The following SANBR variants were observed in gnomAD, a reference collection of about 807,000 sequenced individuals.
SANBR encodes SANT and BTB domain regulator of class switch recombination.
SANBR carries 77 observed loss-of-function variants against 101.8 expected under a neutral mutation model. The observed-to-expected ratio is 0.76, with a 90% CI of 0.63 to 0.91. The LOEUF (loss-of-function observed/expected upper bound fraction) is 0.91. Among genes scored for constraint, SANBR ranks in the 40% least tolerant of loss-of-function variants. The pLI is 0.00. For synonymous variants in SANBR, 279 were observed against 274.7 expected (o/e 1.02, Z -0.15); for missense variants, 875 against 853.0 (o/e 1.03, Z -0.32).
At chr2:61,069,800 C>T (rs1336834749) in intron 2 of SANBR, 1 of 152,398 alleles carries the variant, frequency 6.6e-6, no homozygotes, top group Non-Finnish European at 1.5e-5. Context: ...CCTCTCCCCA[C>T]ACCTCACAAA....
intron 2 of SANBR, 37 bp from the exon 3 acceptor site, chr2:61,070,305 G>A (rs191975016): frequency 2.9e-5 from 43 of 1,462,290 alleles, no homozygotes; most frequent in Middle Eastern, 3.6e-4. Context: ...TTTGGATTTC[G>A]GGTTTAAATA....
At chr2:61,120,333 C>A (rs974012658) in intron 20 of SANBR, among the ~76,000 whole-genome samples, 1 of 152,150 alleles carries the variant, frequency 6.6e-6, no homozygotes, top group African/African-American at 2.4e-5. Flanking sequence ...AACCCCGTCT[C>A]CACTAAAAAT....
At chr2:61,127,437 T>A (rs886924178), downstream of SANBR, among the ~76,000 whole-genome samples, 1 of 152,172 alleles carries the variant, frequency 6.6e-6, no homozygotes, top group Admixed American at 6.5e-5. Flanking sequence ...TCTGCTGAAA[T>A]CTGGGTAGCT....
chr2:61,109,203 C>T lies in SANBR; in HGVS notation c.1651C>T (p.Gln551Ter). Residue 551 changes from glutamine to a stop codon, truncating the protein, a stop_gained, in exon 16 of 22, where the codon CAG becomes TAG. Transcript: ENST00000402291. LOFTEE classifies it high-confidence loss of function. ...AGATTTTTTTTTAACTTAGAAACAA[C>T]AGTCACTGTTTTCAGAAGAAGAAGA... ...LKNWTLQLKQ[Q>*]SLFSEEEEYT... is the part of the protein sequence containing the mutation. 1 of 1,466,958 alleles carries T rather than the reference C, an allele frequency of 6.8e-7. No individual in the cohort carries two copies. The highest frequency in any genetic ancestry group is 9.2e-7 in the Non-Finnish European group (1 of 1,091,626). The allele number at this position is 1,466,958 out of a possible 1,614,324, so 90.9% of individuals were successfully genotyped here.
At chr2:61,124,562 C>T (rs1287779336), downstream of SANBR, among the ~76,000 whole-genome samples, 1 of 151,990 alleles carries the variant, frequency 6.6e-6, no homozygotes, top group African/African-American at 2.4e-5. Context: ...AAAAATTAAC[C>T]TGGCATGGTG....
Position 61,076,996 on chromosome 2 carries a change from A to G in SANBR, c.508A>G (p.Ile170Val), listed in dbSNP as rs149746398. 4.4e-5 allele frequency: 71 copies of G among 1,614,090 alleles called. No individual in the cohort carries two copies. Among genetic ancestry groups the G allele is most frequent in the Non-Finnish European group, 5.5e-5 (65 of 1,180,040 alleles). The change falls in exon 6 of 22, where the codon ATA (isoleucine) becomes GTA (valine). Residue 170 changes from isoleucine (I) to valine (V), a missense_variant. By Grantham distance (29) the Ile-to-Val change is conservative. Transcript: ENST00000402291. ...TTTTACTTGCCCGCGAGATCTTTTG[A>G]TATCAGAAATGAAGTACTTTGCTGA... ...EDFTCPRDLLISEMKYFAEYL... is the reference protein window; with the variant it reads ...EDFTCPRDLLVSEMKYFAEYL...
chr2:61,121,420 TAGAAAC>T lies in SANBR; in HGVS notation c.2120+148_2120+153del, dbSNP rs1280162034. On this transcript the variant is annotated intron_variant, in intron 21 of 21. Transcript: ENST00000402291. ...ATGATTATATTATCAAGGCACTAAT[TAGAAAC>T]AGATTTTAACTTAAAAGATAAAATC... 7.9e-6 allele frequency: 4 copies of T among 506,534 alleles called. No individual in the cohort carries two copies. The East Asian group carries it at 1.1e-4, about 13-fold the overall frequency. The allele number at this position is 506,534 out of a possible 1,614,324, so 31.4% of individuals were successfully genotyped here.
intron 20 of SANBR, among the ~76,000 whole-genome samples, chr2:61,132,484 A>G (rs1423060855): frequency 3.3e-5 from 5 of 152,216 alleles, no homozygotes; most frequent in Non-Finnish European, 5.9e-5. Flanking sequence ...TTTAACGCTC[A>G]GTAGAATGGC....
chr2:61,127,179 G>A (rs1162350460), downstream of SANBR, among the ~76,000 whole-genome samples: 1 of 152,150 alleles, frequency 6.6e-6, no homozygotes, highest in Non-Finnish European at 1.5e-5. Context: ...TGTGTCCCCA[G>A]TGCCTAGAAC....
intron 10 of SANBR, 64 bp downstream of exon 10, chr2:61,088,532 G>A: frequency 9.4e-7 from 1 of 1,065,912 alleles, no homozygotes; most frequent in East Asian, 2.9e-5. Flanking sequence ...TGTTGTTGTT[G>A]TTTTGGAGAC....
At chr2:61,096,950 T>C (rs1469307846) in intron 11 of SANBR, among the ~76,000 whole-genome samples, 2 of 152,060 alleles carry the variant, frequency 1.3e-5, no homozygotes, top group Non-Finnish European at 2.9e-5. Flanking sequence ...GGTCAGAAGT[T>C]CAAGACCAGC....
chr2:61,121,271 C>T lies in SANBR; in HGVS notation c.2115C>T (p.Asn705=). 5 of 1,550,116 alleles carry T rather than the reference C, an allele frequency of 3.2e-6. No individual in the cohort carries two copies. The highest frequency in any genetic ancestry group is 4.4e-6 in the Non-Finnish European group (5 of 1,145,790). The change falls in exon 21 of 22, where the codon AAC becomes AAT. Residue 705 remains asparagine, a synonymous_variant. Transcript: ENST00000402291. ...VSARQSSSEK[N]TRSKSRFGQG... ...CACGCCAAAGCAGCTCAGAGAAAAA[C>T]ACAAGGTAAATCAGCATAAACTAAA...
downstream of SANBR, among the ~76,000 whole-genome samples, chr2:61,127,916 AAC>A (rs775707812): frequency 2.0e-5 from 3 of 152,210 alleles, no homozygotes; most frequent in Non-Finnish European, 4.4e-5. Flanking sequence ...GAAATCCACA[AAC>A]ACACATTATA....
intron 12 of SANBR, 27 bp from the exon 13 acceptor site, chr2:61,103,826 T>C (rs1373306609): frequency 1.9e-6 from 3 of 1,608,658 alleles, no homozygotes; most frequent in Non-Finnish European, 1.7e-6. Context: ...CAAACTAACC[T>C]CTAATTTATT....
In SANBR at chr2:61,088,172, A is replaced by G. The variant is rs1454458145; in HGVS notation, c.904A>G (p.Lys302Glu). Residue 302 changes from lysine (K) to glutamate (E), a missense_variant, in exon 9 of 22, where the codon AAG (lysine) becomes GAG (glutamate). Coordinates refer to ENST00000402291, the MANE Select transcript of SANBR (RefSeq NM_001129993.3). ...TGTTGTTAATAGCAAACTTTTTTGT[A>G]AGAAGATTGAAAGACTGTTTGATCC... is the stretch of plus-strand genomic sequence containing the variant. ...KDKFKSKLFC[K>E]KIERLFDPEY... 1.6e-5 allele frequency: 25 copies of G among 1,600,156 alleles called. No individual in the cohort carries two copies. The highest frequency in any genetic ancestry group is 2.0e-5 in the Non-Finnish European group (24 of 1,175,414).
chr2:61,068,292 T>C (rs1212340444), intron 1 of SANBR, among the ~76,000 whole-genome samples: 1 of 152,202 alleles, frequency 6.6e-6, no homozygotes, highest in African/African-American at 2.4e-5. Context: ...CATCTTACTT[T>C]GAGATGACCA....
At chr2:61,107,644 T>C (rs1225423227) in intron 14 of SANBR, among the ~76,000 whole-genome samples, 2 of 152,122 alleles carry the variant, frequency 1.3e-5, no homozygotes, top group African/African-American at 4.8e-5. Context: ...TGGTTCATGC[T>C]TGTAATCCCT....
At chr2:61,093,005 T>C (rs150707252) in intron 11 of SANBR, among the ~76,000 whole-genome samples, 4,648 of 152,212 alleles carry the variant, frequency 0.031, 88 homozygotes, top group African/African-American at 0.057. Context: ...TGGTGGCACA[T>C]GCCTGTAATC....
intron 14 of SANBR, 37 bp from the exon 15 acceptor site, chr2:61,108,280 A>C: frequency 7.0e-7 from 1 of 1,421,482 alleles, no homozygotes; most frequent in Non-Finnish European, 9.7e-7. Context: ...AATCTAGGTA[A>C]ATGCAGATTT....
Sources: allele counts gnomAD v4.1 joint callset (sites outside exome capture counted in the v4.1 genomes callset), GRCh38; gene constraint gnomAD v4.1.1; transcripts MANE v1.5; gene names NCBI Gene and HGNC (gene_info 2026-07-23, HGNC 2026-07-21).